Variants in TENM4 observed in about 807,000 individuals in gnomAD.
TENM4 encodes the protein teneurin-4.
A neutral mutation model predicts 243.3 loss-of-function variants in TENM4; 82 were observed. The observed-to-expected ratio is 0.34, with a 90% CI of 0.28 to 0.40. TENM4 has a LOEUF of 0.40. Ranked by LOEUF, TENM4 falls within the 10% of genes least tolerant of loss-of-function variation. The pLI is 1.00. For synonymous variants in TENM4, 1,412 were observed against 1,456.3 expected (o/e 0.97, Z 0.69); for missense variants, 3,138 against 3,673.3 (o/e 0.85, Z 3.77).
intron 19 of TENM4, among the ~76,000 whole-genome samples, chr11:78,744,885 TTAAC>T (rs1253537367): frequency 8.6e-6 from 1 of 116,398 alleles, no homozygotes; most frequent in South Asian, 2.7e-4. Flanking sequence ...AATCTCTTAG[TTAAC>T]TTTTTGTTCA....
Position 78,672,322 on chromosome 11 carries a change from T to C in TENM4, c.5504A>G (p.Asn1835Ser), listed in dbSNP as rs368814082. The C allele has an allele frequency of 9.3e-6, 15 of 1,606,544 alleles. No homozygotes were observed. The highest frequency in any genetic ancestry group is 1.7e-5 in the Admixed American group (1 of 59,868). Reference protein sequence around the residue: ...TVFGRRLRVHNRNLLSLDFDR... With the variant: ...TVFGRRLRVHSRNLLSLDFDR... ...AAAGTCCAGAGATAGGAGATTTCGG[T>C]TGTGAACCTGGAGAAAGGGTTGGAA... The change falls in exon 31 of 34, where the codon AAC (asparagine) becomes AGC (serine). Residue 1835 changes from asparagine to serine, a missense_variant. By Grantham distance (46) the Asn-to-Ser change is conservative. Transcript: ENST00000278550.
chr11:79,374,136 G>C (rs940862898), intron 1 of TENM4, among the ~76,000 whole-genome samples: 2 of 152,108 alleles, frequency 1.3e-5, no homozygotes, highest in African/African-American at 2.4e-5. Context: ...GATTTACCAA[G>C]ATAAAATTCA....
At chr11:78,838,261 A>G (rs1206338299) in intron 12 of TENM4, among the ~76,000 whole-genome samples, 2 of 152,216 alleles carry the variant, frequency 1.3e-5, no homozygotes, top group Non-Finnish European at 2.9e-5. Context: ...CTGTAAGATC[A>G]TAATGCCTTT....
At chr11:79,082,877 T>A (rs551981376) in intron 4 of TENM4, among the ~76,000 whole-genome samples, 1 of 152,272 alleles carries the variant, frequency 6.6e-6, no homozygotes, top group Non-Finnish European at 1.5e-5. Flanking sequence ...CCTCCATCTC[T>A]AATAATTAAA....
chr11:79,010,841 A>T (rs1298338092), intron 6 of TENM4, among the ~76,000 whole-genome samples: 1 of 152,168 alleles, frequency 6.6e-6, no homozygotes, highest in Non-Finnish European at 1.5e-5. Context: ...GCCAGAGCAA[A>T]GGTCCCAGCA....
intron 30 of TENM4, 134 bp downstream of exon 30, chr11:78,676,018 G>A (rs1365820414): frequency 1.2e-5 from 10 of 863,372 alleles, no homozygotes; most frequent in Non-Finnish European, 1.5e-5. Context: ...GATCACACAT[G>A]GTTCCCTGAT....
chr11:79,315,442 G>A (rs756205775), intron 1 of TENM4, among the ~76,000 whole-genome samples: 1 of 152,220 alleles, frequency 6.6e-6, no homozygotes, highest in Non-Finnish European at 1.5e-5. Flanking sequence ...CACATGTCTT[G>A]CAGAGAGGTC....
chr11:78,949,451 C>T (rs748827711), intron 6 of TENM4, among the ~76,000 whole-genome samples: 6 of 152,204 alleles, frequency 3.9e-5, no homozygotes, highest in African/African-American at 7.2e-5. Context: ...AATCCCAGCT[C>T]TGCAACTTTC....
intron 9 of TENM4, among the ~76,000 whole-genome samples, chr11:78,878,159 T>G (rs1038712464): frequency 1.3e-5 from 2 of 152,200 alleles, no homozygotes; most frequent in African/African-American, 4.8e-5. Context: ...CTTTCCTTTT[T>G]CTTTCTCCCC....
intron 1 of TENM4, among the ~76,000 whole-genome samples, chr11:79,414,414 C>T (rs910254525): frequency 2.0e-5 from 3 of 152,170 alleles, no homozygotes; most frequent in African/African-American, 7.2e-5. Flanking sequence ...ATCCTGCCTC[C>T]CAATCCCAGA....
At chr11:79,403,431 C>A (rs1248306037) in intron 1 of TENM4, among the ~76,000 whole-genome samples, 5 of 151,790 alleles carry the variant, frequency 3.3e-5, no homozygotes, top group Non-Finnish European at 7.3e-5. Flanking sequence ...TCAGAGAAGG[C>A]ACTGATAGTT....
intron 2 of TENM4, among the ~76,000 whole-genome samples, chr11:79,297,172 A>G (rs147759702): frequency 1.1e-4 from 17 of 152,318 alleles, no homozygotes; most frequent in African/African-American, 3.8e-4. Flanking sequence ...CAACAACTGC[A>G]GCATGGACCA....
chr11:79,109,425 C>A (rs1861451535), intron 4 of TENM4, among the ~76,000 whole-genome samples: 1 of 152,048 alleles, frequency 6.6e-6, no homozygotes, highest in Non-Finnish European at 1.5e-5. Flanking sequence ...AGCAGTGATT[C>A]TCCTTGTGAG....
In TENM4 at chr11:78,712,571, G is replaced by A. The variant is rs200340921; in HGVS notation, c.3965C>T (p.Ala1322Val). 1.2e-5 allele frequency: 20 copies of A among 1,613,944 alleles called. No individual in the cohort carries two copies. Among genetic ancestry groups the A allele is most frequent in the Admixed American group, 3.3e-5 (2 of 60,008 alleles). ...GGGGAGGCACTGGTCACCTGTCCCC[G>A]CAACCACCTCAGAGTTCTTGACAAG... The part of the protein sequence containing the change: ...KDLVKNSEVV[A>V]GTGDQCLPFD... The change falls in exon 26 of 34, where the codon GCG becomes GTG. Residue 1322 changes from alanine (A) to valine (V), a missense_variant. This residue lies in a region of TENM4 where 2,467 missense variants were observed against 3,059.1 expected (regional missense o/e 0.81). Transcript: ENST00000278550.
At chr11:79,280,645 A>C (rs1379158162) in intron 2 of TENM4, among the ~76,000 whole-genome samples, 3 of 152,146 alleles carry the variant, frequency 2.0e-5, no homozygotes. Context: ...CCCTGCCTCC[A>C]AGCCTGTGGC....
At chr11:79,361,973 G>A (rs1239812648) in intron 1 of TENM4, among the ~76,000 whole-genome samples, 5 of 152,140 alleles carry the variant, frequency 3.3e-5, no homozygotes, top group Admixed American at 1.3e-4. Flanking sequence ...GGCCCTGTGT[G>A]CCTCAACACA....
chr11:78,727,686 C>T (rs910970611), intron 22 of TENM4, among the ~76,000 whole-genome samples: 1 of 152,100 alleles, frequency 6.6e-6, no homozygotes, highest in Admixed American at 6.6e-5. Flanking sequence ...ATCCAGGACC[C>T]CTTAGAAGGT....
At chr11:79,378,094 A>G (rs1031715030) in intron 1 of TENM4, among the ~76,000 whole-genome samples, 1 of 152,230 alleles carries the variant, frequency 6.6e-6, no homozygotes, top group Non-Finnish European at 1.5e-5. Context: ...TTTTATTTTA[A>G]AAAAAGGCAA....
At chr11:79,089,105 C>T (rs567828625) in intron 4 of TENM4, among the ~76,000 whole-genome samples, 1 of 152,310 alleles carries the variant, frequency 6.6e-6, no homozygotes, top group Non-Finnish European at 1.5e-5. Context: ...GAGAGGAGAG[C>T]AATCCTTGAA....
Sources: allele counts gnomAD v4.1 joint callset (sites outside exome capture counted in the v4.1 genomes callset), GRCh38; gene constraint gnomAD v4.1.1; regional missense constraint gnomAD v4.1.1; transcripts MANE v1.5; gene names NCBI Gene and HGNC (gene_info 2026-07-23, HGNC 2026-07-21).